The following PTPRR variants were observed in gnomAD, a reference collection of about 807,000 sequenced individuals.
The protein encoded by PTPRR is receptor-type tyrosine-protein phosphatase R.
PTPRR carries 38 observed loss-of-function variants against 77.2 expected under a neutral mutation model. That is an observed-to-expected ratio of 0.49 (90% CI 0.38 to 0.65). The LOEUF (loss-of-function observed/expected upper bound fraction) is 0.65, where lower values mean the gene tolerates loss of function less well. PTPRR is among the 30% of genes least tolerant of loss of function. The pLI is 0.00. For synonymous variants in PTPRR, 299 were observed against 283.1 expected (o/e 1.06, Z -0.57); for missense variants, 744 against 799.2 (o/e 0.93, Z 0.83).
intron 8 of PTPRR, among the ~76,000 whole-genome samples, chr12:70,689,100 C>T (rs1218178642): frequency 2.6e-5 from 4 of 151,808 alleles, no homozygotes; most frequent in African/African-American, 9.7e-5. Flanking sequence ...TAGGTTCTGG[C>T]GATCTATTAT....
intron 6 of PTPRR, among the ~76,000 whole-genome samples, chr12:70,736,662 T>C (rs1889872607): frequency 6.6e-6 from 1 of 152,202 alleles, no homozygotes; most frequent in Admixed American, 6.5e-5. Flanking sequence ...CAACAGGGCA[T>C]ACTGAGTTGT....
At chr12:70,887,036 G>A (rs1429190649) in intron 2 of PTPRR, among the ~76,000 whole-genome samples, 1 of 152,240 alleles carries the variant, frequency 6.6e-6, no homozygotes, top group Non-Finnish European at 1.5e-5. Flanking sequence ...CTGGCTAGGT[G>A]TAAGACAGTG....
intron 2 of PTPRR, among the ~76,000 whole-genome samples, chr12:70,868,016 C>T (rs1892887481): frequency 6.6e-6 from 1 of 152,142 alleles, no homozygotes; most frequent in African/African-American, 2.4e-5. Flanking sequence ...CCCTTCCTTA[C>T]ACCTTATACA....
intron 1 of PTPRR, chr12:70,907,030 A>C (rs1893633203): frequency 6.6e-6 from 1 of 152,212 alleles, no homozygotes; most frequent in African/African-American, 2.4e-5. Flanking sequence ...GAAAACTAAA[A>C]TAAAATTTTA....
chr12:70,890,221 A>C (rs1592817475), intron 2 of PTPRR, among the ~76,000 whole-genome samples: 1 of 152,294 alleles, frequency 6.6e-6, no homozygotes, highest in East Asian at 1.9e-4. Context: ...CAGAAATCCT[A>C]ATAACAGCTT....
intron 6 of PTPRR, among the ~76,000 whole-genome samples, chr12:70,713,789 C>T (rs1888919860): frequency 6.6e-6 from 1 of 152,132 alleles, no homozygotes; most frequent in African/African-American, 2.4e-5. Flanking sequence ...ATTCTGGACA[C>T]TAGACCCTTA....
At chr12:70,839,309 T>C (rs1892355227) in intron 2 of PTPRR, among the ~76,000 whole-genome samples, 1 of 140,450 alleles carries the variant, frequency 7.1e-6, no homozygotes, top group Non-Finnish European at 1.6e-5. Flanking sequence ...TTCCTCTTTA[T>C]TCTGGATATG....
intron 1 of PTPRR, among the ~76,000 whole-genome samples, chr12:70,905,759 T>A (rs1893612061): frequency 6.6e-6 from 1 of 151,990 alleles, no homozygotes; most frequent in Non-Finnish European, 1.5e-5. Context: ...AATCCTCGCA[T>A]TGCAAGTACT....
chr12:70,918,553 T>A (rs1384477974), intron 1 of PTPRR, among the ~76,000 whole-genome samples: 1 of 152,236 alleles, frequency 6.6e-6, no homozygotes, highest in African/African-American at 2.4e-5. Flanking sequence ...GTTTCTCATC[T>A]GATGAGCAAA....
At chr12:70,712,106 G>A (rs1415119994) in intron 6 of PTPRR, among the ~76,000 whole-genome samples, 2 of 152,022 alleles carry the variant, frequency 1.3e-5, no homozygotes, top group African/African-American at 4.8e-5. Context: ...GTAGGGAGTG[G>A]CTTCTTTTTG....
At chr12:70,760,317 T>C (rs1890663861) in intron 4 of PTPRR, among the ~76,000 whole-genome samples, 1 of 152,198 alleles carries the variant, frequency 6.6e-6, no homozygotes, top group Non-Finnish European at 1.5e-5. Context: ...ATTTTACGTG[T>C]GGCTTTGGGA....
rs140281986 is a variant in PTPRR, at chr12:70,640,154, C to T, written c.1881-877G>A. On this transcript the variant is annotated intron_variant, in intron 13 of 13. Transcript: ENST00000283228. ...ACATAATACCTATATCACATTTTCC[C>T]CCTTCATAATTATGATCCTTTTTTA... Among the ~76,000 whole-genome samples, 9 of 152,136 alleles carry T rather than the reference C, an allele frequency of 5.9e-5. No individual in the cohort carries two copies. In the East Asian group the frequency reaches 1.7e-3, roughly 29 times the overall value.
chr12:70,718,758 T>C (rs1234875592), intron 6 of PTPRR, among the ~76,000 whole-genome samples: 1 of 152,214 alleles, frequency 6.6e-6, no homozygotes. Flanking sequence ...TGAGGTGAAA[T>C]GTTTACAAAA....
intron 2 of PTPRR, among the ~76,000 whole-genome samples, chr12:70,861,363 T>C (rs1892750046): frequency 6.6e-6 from 1 of 152,178 alleles, no homozygotes; most frequent in Non-Finnish European, 1.5e-5. Flanking sequence ...ACATGTGGTC[T>C]TTCCCATTCC....
At chr12:70,769,734 G>T (rs370902944) in intron 2 of PTPRR, among the ~76,000 whole-genome samples, 1 of 151,854 alleles carries the variant, frequency 6.6e-6, no homozygotes, top group Non-Finnish European at 1.5e-5. Flanking sequence ...AAAGCTGGAG[G>T]CATCATGCTA....
chr12:70,672,027 TG>T, intron 10 of PTPRR: 1 of 1,318,962 alleles, frequency 7.6e-7, no homozygotes, highest in East Asian at 2.3e-5. Context: ...GCACCCCACC[TG>T]GTGGGGCCTC....
rs17108490 is a variant in PTPRR at position 70,640,515 on chromosome 12, A to G, written c.1881-1238T>C. ...CTTGACAAAGTTACCAGACATTAATATGTTACTATTCCTGCTCACTGTATA... is the reference window on the plus strand; with the variant it reads ...CTTGACAAAGTTACCAGACATTAATGTGTTACTATTCCTGCTCACTGTATA... On this transcript the variant is annotated intron_variant, in intron 13 of 13. Coordinates refer to ENST00000283228, the MANE Select transcript of PTPRR (RefSeq NM_002849.4). Among the ~76,000 whole-genome samples, 610 of 152,288 alleles carry G rather than the reference A, an allele frequency of 4.0e-3. 4 individuals are homozygous for G. Among genetic ancestry groups the G allele is most frequent in the African/African-American group, 0.014 (574 of 41,564 alleles).
chr12:70,854,228 C>T (rs567071640), intron 2 of PTPRR, among the ~76,000 whole-genome samples: 1 of 152,176 alleles, frequency 6.6e-6, no homozygotes, highest in East Asian at 1.9e-4. Flanking sequence ...TCACATTCAA[C>T]TTCTGTGTGT....
rs17108935 is a variant in PTPRR at position 70,860,838 on chromosome 12, A to G, written c.357+31841T>C. Among the ~76,000 whole-genome samples, 644 of 152,278 alleles carry G rather than the reference A, an allele frequency of 4.2e-3. 5 individuals carry two copies. The highest frequency in any genetic ancestry group is 0.014 in the African/African-American group (582 of 41,544). On this transcript the variant is annotated intron_variant, in intron 2 of 13. Transcript: ENST00000283228. ...TCCTATTATGTGTCATATGTGTGCTAGGCAGTATGAACAACTGAAGCCTCT... is the reference window on the plus strand; with the variant it reads ...TCCTATTATGTGTCATATGTGTGCTGGGCAGTATGAACAACTGAAGCCTCT...
Sources: allele counts gnomAD v4.1 joint callset (sites outside exome capture counted in the v4.1 genomes callset), GRCh38; gene constraint gnomAD v4.1.1; transcripts MANE v1.5; gene names NCBI Gene and HGNC (gene_info 2026-07-23, HGNC 2026-07-21).